The following DDX46 variants were observed in gnomAD, a reference collection of about 807,000 sequenced individuals.
The protein encoded by DDX46 is probable ATP-dependent RNA helicase DDX46.
DDX46 carries 30 observed loss-of-function variants against 134.9 expected under a neutral mutation model. The observed-to-expected ratio is 0.22, with a 90% CI of 0.17 to 0.30. The LOEUF (loss-of-function observed/expected upper bound fraction) is 0.30, where lower values mean the gene tolerates loss of function less well. DDX46 is among the 10% of genes least tolerant of loss of function. DDX46 has a pLI of 1.00. For synonymous variants in DDX46, 415 were observed against 404.1 expected (o/e 1.03, Z -0.32); for missense variants, 622 against 1,248.7 (o/e 0.50, Z 7.56).
chr5:134,801,796 GT>G (rs1178334785), intron 15 of DDX46, among the ~76,000 whole-genome samples: 2 of 150,578 alleles, frequency 1.3e-5, no homozygotes, highest in Non-Finnish European at 2.9e-5. Context: ...TTAGTTGGTT[GT>G]TTTTTTTATA....
chr5:134,818,642 C>T (rs1290276327), intron 20 of DDX46, among the ~76,000 whole-genome samples: 1 of 150,264 alleles, frequency 6.7e-6, no homozygotes, highest in East Asian at 2.0e-4. Flanking sequence ...GCGGAGGTTG[C>T]GGTGAGCCAA....
At chr5:134,769,147 T>G (rs1305464276) in intron 3 of DDX46, among the ~76,000 whole-genome samples, 1 of 152,152 alleles carries the variant, frequency 6.6e-6, no homozygotes, top group Non-Finnish European at 1.5e-5. Flanking sequence ...ATAAATTATC[T>G]TGCAGAATAT....
At chr5:134,813,806 TTAGAGTC>T (rs1226843118) in intron 18 of DDX46, among the ~76,000 whole-genome samples, 2 of 151,956 alleles carry the variant, frequency 1.3e-5, no homozygotes, top group Non-Finnish European at 2.9e-5. Flanking sequence ...GTTTTTTTTT[TTAGAGTC>T]GAGGTCTCAC....
intron 6 of DDX46, among the ~76,000 whole-genome samples, chr5:134,780,449 A>C (rs923976146): frequency 5.3e-5 from 8 of 149,892 alleles, no homozygotes; most frequent in Non-Finnish European, 1.5e-5. Flanking sequence ...CTGTAATCCC[A>C]GCTCCTGGGG....
intron 11 of DDX46, among the ~76,000 whole-genome samples, chr5:134,786,426 A>G (rs1011093343): frequency 6.6e-6 from 1 of 151,824 alleles, no homozygotes; most frequent in Non-Finnish European, 1.5e-5. Context: ...CATTTTACAT[A>G]TGAGGAAATA....
At chr5:134,807,464 G>A (rs1010166654) in intron 15 of DDX46, among the ~76,000 whole-genome samples, 17 of 152,060 alleles carry the variant, frequency 1.1e-4, no homozygotes, top group Non-Finnish European at 2.2e-4. Context: ...GCCTTTTCTC[G>A]CTTTGGCTCC....
At chr5:134,807,671 C>A in intron 15 of DDX46, 77 bp from the exon 16 acceptor site, 2 of 1,341,030 alleles carry the variant, frequency 1.5e-6, no homozygotes, top group Non-Finnish European at 2.0e-6. Context: ...TTGTTCTTCA[C>A]TGAGTTTAGA....
rs118057514 is a variant in DDX46 at position 134,816,332 on chromosome 5, C to T, written c.2437-98C>T. The T allele has an allele frequency of 5.2e-4, 602 of 1,155,684 alleles. 3 individuals carry two copies. In the East Asian group the frequency reaches 0.012, roughly 23 times the overall value. The allele number at this position is 1,155,684 out of a possible 1,614,324, so 71.6% of individuals were successfully genotyped here. ...GTAAATATAACTATCTGATTCCAGCCTTTTGGTGGAAACATTCCTTATTTA... is the reference window on the plus strand; with the variant it reads ...GTAAATATAACTATCTGATTCCAGCTTTTTGGTGGAAACATTCCTTATTTA... On this transcript the variant is annotated intron_variant, in intron 18 of 22. Transcript: ENST00000452510.
In DDX46 at chr5:134,797,749, G is replaced by C. The variant is rs531326408; in HGVS notation, c.1954+1599G>C. ...AGTCTACTTCCAGCAGGCTTCATATGGGATGAAATTAAAGGGGCTTTGAAG... is the reference window on the plus strand; with the variant it reads ...AGTCTACTTCCAGCAGGCTTCATATCGGATGAAATTAAAGGGGCTTTGAAG... On this transcript the variant is annotated intron_variant, in intron 15 of 22. Coordinates refer to ENST00000452510, the MANE Select transcript of DDX46 (RefSeq NM_001300860.2). Among the ~76,000 whole-genome samples the C allele has an allele frequency of 2.6e-5, 4 of 152,262 alleles. No individual in the cohort carries two copies. The South Asian group carries it at 8.3e-4, about 32-fold the overall frequency.
rs1178154352 is a variant in DDX46 at position 134,821,857 on chromosome 5, CTTCT to C, written c.2977+2860_2977+2863del. Among the ~76,000 whole-genome samples, 21 of 149,630 alleles carry C rather than the reference CTTCT, an allele frequency of 1.4e-4. No individual in the cohort carries two copies. The East Asian group carries it at 3.9e-3, about 28-fold the overall frequency. On this transcript the variant is annotated intron_variant, in intron 21 of 22. Coordinates refer to ENST00000452510, the MANE Select transcript of DDX46 (RefSeq NM_001300860.2). ...GGCAGGAGCCACCACGCCCGGCCTA[CTTCT>C]TTCTTTTGCTATATGTATTTTTAGG...
chr5:134,778,269 C>T (rs187362710), intron 6 of DDX46, among the ~76,000 whole-genome samples: 79 of 152,230 alleles, frequency 5.2e-4, no homozygotes, highest in South Asian at 2.9e-3. Context: ...CCACCTGCCT[C>T]GGCCTCCCAA....
chr5:134,763,930 G>C lies in DDX46; in HGVS notation c.44G>C (p.Arg15Pro), dbSNP rs1461790480. 1.2e-6 allele frequency: 2 copies of C among 1,614,058 alleles called. No individual in the cohort carries two copies. The highest frequency in any genetic ancestry group is 1.7e-6 in the Non-Finnish European group (2 of 1,179,988). Residue 15 changes from arginine (R) to proline (P), a missense_variant, in exon 2 of 23, where the codon CGG becomes CCG. Physicochemically the swap from Arg to Pro is moderately radical, Grantham distance 103. Around this residue, in one of 8 missense-constraint regions of DDX46, gnomAD observed 244 missense variants for 349.3 expected, o/e 0.70. Transcript: ENST00000452510. Reference protein sequence around the residue: ...SRHYRKRSASRGRSGSRSRSR... With the variant: ...SRHYRKRSASPGRSGSRSRSR... ...CACTATCGAAAACGATCGGCATCCC[G>C]GGGTCGCTCTGGAAGTCGGTCTAGA... is the stretch of plus-strand genomic sequence containing the variant.
chr5:134,817,671 T>C lies in DDX46; in HGVS notation c.2789T>C (p.Phe930Ser). The C allele has an allele frequency of 6.2e-7, 1 of 1,614,148 alleles. No individual in the cohort carries two copies. The highest frequency in any genetic ancestry group is 8.5e-7 in the Non-Finnish European group (1 of 1,180,012). ...ERQDGGQNES[F>S]KRYEEELEIN... is the part of the protein sequence containing the mutation. ...CAGGATGGTGGACAGAATGAATCTT[T>C]TAAGAGATATGAAGAAGAATTAGAG... is the stretch of plus-strand genomic sequence containing the variant. The change falls in exon 20 of 23, where the codon TTT (phenylalanine) becomes TCT (serine). Residue 930 changes from phenylalanine (F) to serine (S), a missense_variant. Transcript: ENST00000452510.
chr5:134,769,541 G>GTT (rs1194092241), intron 3 of DDX46, among the ~76,000 whole-genome samples: 23 of 113,284 alleles, frequency 2.0e-4, no homozygotes, highest in East Asian at 9.9e-4. Context: ...TTTTTTGTTT[G>GTT]TTTTTTTTTT....
At chr5:134,828,418 A>G (rs546386281) in intron 22 of DDX46, among the ~76,000 whole-genome samples, 2 of 152,336 alleles carry the variant, frequency 1.3e-5, no homozygotes, top group Admixed American at 6.5e-5. Context: ...TTCAAAACAT[A>G]GTTGTTAAGG....
intron 4 of DDX46, among the ~76,000 whole-genome samples, chr5:134,772,439 T>A (rs1753802420): frequency 2.6e-5 from 4 of 151,980 alleles, no homozygotes; most frequent in Admixed American, 2.6e-4. Context: ...GGAGAATGGC[T>A]TGAACCCCGG....
At chr5:134,827,102 C>A in intron 22 of DDX46, 82 bp downstream of exon 22, 3 of 1,343,200 alleles carry the variant, frequency 2.2e-6, no homozygotes, top group Non-Finnish European at 3.1e-6. Flanking sequence ...GTACTCAAAT[C>A]ATAAACATAT....
intron 21 of DDX46, 62 bp from the exon 22 acceptor site, chr5:134,826,885 A>G (rs1485936536): frequency 6.6e-7 from 1 of 1,516,718 alleles, no homozygotes; most frequent in Non-Finnish European, 8.9e-7. Context: ...GACCTCCGTG[A>G]TATGGGTAAA....
At chr5:134,804,830 GTTCC>G (rs1267343004) in intron 15 of DDX46, 3 of 411,144 alleles carry the variant, frequency 7.3e-6, no homozygotes, top group Non-Finnish European at 1.4e-5. Flanking sequence ...ATGATTTTCT[GTTCC>G]TTGATAAGGA....
Sources: allele counts gnomAD v4.1 joint callset (sites outside exome capture counted in the v4.1 genomes callset), GRCh38; gene constraint gnomAD v4.1.1; regional missense constraint gnomAD v4.1.1; transcripts MANE v1.5; gene names NCBI Gene and HGNC (gene_info 2026-07-23, HGNC 2026-07-21).